The following FAM171A1 variants were observed in gnomAD, a reference collection of about 807,000 sequenced individuals.
The protein encoded by FAM171A1 is family with sequence similarity 171 member A1.
Under a neutral mutation model 74.9 loss-of-function variants are expected in FAM171A1, and 23 were observed. The ratio of observed to expected loss-of-function variants is 0.31; its 90% CI spans 0.22 to 0.44. The LOEUF (loss-of-function observed/expected upper bound fraction) is 0.44. Ranked by LOEUF, FAM171A1 falls within the 20% of genes least tolerant of loss-of-function variation. FAM171A1 has a pLI of 1.00. For synonymous variants in FAM171A1, 527 were observed against 505.7 expected, an observed-to-expected ratio of 1.04 and a Z score of -0.57; for missense variants, 1,162 against 1,159.2, an observed-to-expected ratio of 1.00 and a Z score of -0.03.
chr10:15,276,309 T>C (rs1011412587), intron 2 of FAM171A1, among the ~76,000 whole-genome samples: 18 of 152,054 alleles, frequency 1.2e-4, no homozygotes, highest in Non-Finnish European at 2.1e-4. Context: ...GACTCCCGAG[T>C]AGCTGAGATT....
intron 1 of FAM171A1, among the ~76,000 whole-genome samples, chr10:15,299,125 G>A (rs147929925): frequency 6.6e-6 from 1 of 152,110 alleles, no homozygotes; most frequent in Non-Finnish European, 1.5e-5. Context: ...CGCCACGTTG[G>A]CCAGGCTGGT....
intron 1 of FAM171A1, among the ~76,000 whole-genome samples, chr10:15,351,594 T>TGGATGGATGGATGGAC (rs1233482481): frequency 2.0e-4 from 10 of 50,766 alleles, no homozygotes; most frequent in Middle Eastern, 0.01. Flanking sequence ...GATGGATGGA[T>TGGATGGATGGATGGAC]GCATGGATGG....
At chr10:15,257,168 C>T (rs1834591077) in intron 3 of FAM171A1, among the ~76,000 whole-genome samples, 1 of 152,046 alleles carries the variant, frequency 6.6e-6, no homozygotes, top group Admixed American at 6.5e-5. Context: ...CATGAGGGTC[C>T]GGGCAGAGGC....
In FAM171A1 at chr10:15,362,964, C is replaced by T. The variant is rs930783313; in HGVS notation, c.97+7992G>A. Among the ~76,000 whole-genome samples the T allele has an allele frequency of 7.2e-5, 11 of 152,262 alleles. No individual in the cohort carries two copies. The South Asian group carries it at 1.5e-3, about 20-fold the overall frequency. On this transcript the variant is annotated intron_variant, in intron 1 of 7. Transcript: ENST00000378116. ...AGCTTATGCAAAAAATATAATGCCC[C>T]TCCCCGACAGACCACCTCTTTTTGT... is the stretch of plus-strand genomic sequence containing the variant.
At chr10:15,273,442 C>T (rs1834853253) in intron 3 of FAM171A1, among the ~76,000 whole-genome samples, 1 of 152,158 alleles carries the variant, frequency 6.6e-6, no homozygotes, top group Non-Finnish European at 1.5e-5. Flanking sequence ...GACGAATTCA[C>T]AGACGAATTC....
At position 15,251,139 on chromosome 10, in the gene FAM171A1, A is replaced by G. The variant is rs77285639; in HGVS notation, c.578-2324T>C. ...GTAGACTAGATGCCTTCCTGCATCT[A>G]TGGAAATAAGTACACTCAGCTTGAA... is the stretch of plus-strand genomic sequence containing the variant. On this transcript the variant is annotated intron_variant, in intron 4 of 7. Coordinates refer to ENST00000378116, the MANE Select transcript of FAM171A1 (RefSeq NM_001010924.2). Among the ~76,000 whole-genome samples the G allele has an allele frequency of 6.9e-3, 1,052 of 152,296 alleles. 14 individuals are homozygous for G. The highest frequency in any genetic ancestry group is 0.024 in the African/African-American group (1,007 of 41,542).
At chr10:15,281,001 G>A (rs1834961480) in intron 2 of FAM171A1, among the ~76,000 whole-genome samples, 1 of 152,196 alleles carries the variant, frequency 6.6e-6, no homozygotes, top group African/African-American at 2.4e-5. Context: ...CTGATGGGAG[G>A]TGATTGGATC....
At chr10:15,259,365 T>C (rs759353740) in intron 3 of FAM171A1, among the ~76,000 whole-genome samples, 19 of 152,130 alleles carry the variant, frequency 1.2e-4, no homozygotes, top group Non-Finnish European at 2.5e-4. Flanking sequence ...ACTGTGACTG[T>C]TCAAAGATAC....
chr10:15,340,975 C>T (rs895174562), intron 1 of FAM171A1, among the ~76,000 whole-genome samples: 2 of 152,176 alleles, frequency 1.3e-5, no homozygotes, highest in African/African-American at 4.8e-5. Flanking sequence ...GTCAAAAAGG[C>T]CCCTCCCAGA....
chr10:15,307,918 C>G (rs1835316466), intron 1 of FAM171A1, among the ~76,000 whole-genome samples: 1 of 151,954 alleles, frequency 6.6e-6, no homozygotes, highest in African/African-American at 2.4e-5. Context: ...ATCCTCCTAC[C>G]TCAGCCTCCC....
At position 15,236,756 on chromosome 10, in the gene FAM171A1, C is replaced by T. The variant is rs377645076; in HGVS notation, c.754+11883G>A. Among the ~76,000 whole-genome samples, 31 of 152,218 alleles carry T rather than the reference C, an allele frequency of 2.0e-4. No homozygotes were observed. The East Asian group carries it at 5.4e-3, about 27-fold the overall frequency. On this transcript the variant is annotated intron_variant, in intron 5 of 7. Coordinates refer to ENST00000378116, the MANE Select transcript of FAM171A1 (RefSeq NM_001010924.2). ...CTTTACTTTCCTAGTTCTTTTTCACCCAGGTTAATATTAGAATGATTGTGT... is the reference window on the plus strand; with the variant it reads ...CTTTACTTTCCTAGTTCTTTTTCACTCAGGTTAATATTAGAATGATTGTGT...
intron 3 of FAM171A1, among the ~76,000 whole-genome samples, 170 bp from the exon 4 acceptor site, chr10:15,255,049 C>G (rs572953823): frequency 6.6e-6 from 1 of 152,270 alleles, no homozygotes; most frequent in African/African-American, 2.4e-5. Flanking sequence ...TGACAACATG[C>G]TATTATGGGG....
At chr10:15,233,503 C>T (rs949149332) in intron 5 of FAM171A1, among the ~76,000 whole-genome samples, 3 of 148,916 alleles carry the variant, frequency 2.0e-5, no homozygotes, top group Admixed American at 1.3e-4. Context: ...ACATTCTGCA[C>T]ATGCCGGGTG....
At chr10:15,291,726 T>G (rs565383997) in intron 1 of FAM171A1, among the ~76,000 whole-genome samples, 21 of 152,202 alleles carry the variant, frequency 1.4e-4, no homozygotes, top group African/African-American at 5.1e-4. Context: ...TATCACCTCC[T>G]GCCCTCACTT....
At chr10:15,274,484 C>A (rs1441788210) in intron 3 of FAM171A1, among the ~76,000 whole-genome samples, 1 of 152,126 alleles carries the variant, frequency 6.6e-6, no homozygotes, top group Non-Finnish European at 1.5e-5. Context: ...AGATTCAGTG[C>A]CATCCCCATC....
chr10:15,248,223 T>C (rs1021596939), intron 5 of FAM171A1, among the ~76,000 whole-genome samples: 4 of 152,192 alleles, frequency 2.6e-5, no homozygotes, highest in African/African-American at 9.7e-5. Context: ...TTATGGGTAA[T>C]TTTTATTTTC....
In FAM171A1 at chr10:15,212,403, A is replaced by G. The variant is rs1833900870; in HGVS notation, c.*512T>C. The stretch of plus-strand genomic sequence containing the variant: ...GCAAACCCCAAAACGCAACCTAACC[A>G]AAGCAAAATCTAAGCAAAATCAGAC... On this transcript the variant is annotated 3_prime_UTR_variant, in exon 8 of 8. Coordinates refer to ENST00000378116, the MANE Select transcript of FAM171A1 (RefSeq NM_001010924.2). 6.3e-6 allele frequency: 1 copy of G among 157,902 alleles called. No homozygotes were observed. Among genetic ancestry groups the G allele is most frequent in the Admixed American group, 6.0e-5 (1 of 16,564 alleles). The allele number at this position is 157,902 out of a possible 1,614,324, so 9.8% of individuals were successfully genotyped here.
chr10:15,296,884 A>G (rs1588539334), intron 1 of FAM171A1, among the ~76,000 whole-genome samples: 1 of 152,094 alleles, frequency 6.6e-6, no homozygotes, highest in East Asian at 1.9e-4. Context: ...TCTGTGTTCT[A>G]TCATCTCAGG....
chr10:15,301,376 T>A (rs931336771), intron 1 of FAM171A1, among the ~76,000 whole-genome samples: 13 of 148,236 alleles, frequency 8.8e-5, no homozygotes, highest in African/African-American at 2.7e-4. Flanking sequence ...TTTTTTTTTG[T>A]ATTTTTAGTA....
Sources: gnomAD v4.1 joint callset for allele counts (sites outside exome capture counted in the v4.1 genomes callset) on GRCh38, gnomAD v4.1.1 for gene constraint, MANE v1.5 for transcripts, NCBI Gene and HGNC (gene_info 2026-07-23, HGNC 2026-07-21) for gene names.